The following SLC25A21 variants were observed in gnomAD, a reference collection of about 807,000 sequenced individuals.
SLC25A21 encodes solute carrier family 25 member 21.
Under a neutral mutation model 43.8 loss-of-function variants are expected in SLC25A21, and 47 were observed. The ratio of observed to expected loss-of-function variants is 1.07; its 90% CI spans 0.85 to 1.37. SLC25A21 has a LOEUF of 1.37. Ranked by LOEUF, SLC25A21 falls within the 40% of genes most tolerant of loss-of-function variation. The pLI, the probability that SLC25A21 is intolerant of heterozygous loss-of-function variation, is 0.00. For synonymous variants in SLC25A21, 131 were observed against 121.3 expected (o/e 1.08, Z -0.52); for missense variants, 352 against 350.2 (o/e 1.00, Z -0.04).
chr14:37,124,074 G>T (rs534899861), intron 1 of SLC25A21, among the ~76,000 whole-genome samples: 42 of 150,492 alleles, frequency 2.8e-4, no homozygotes, highest in Non-Finnish European at 4.7e-4. Context: ...GCAGTGGTGC[G>T]ATCTCAGCTC....
At chr14:36,907,093 AG>A (rs1891555875) in intron 1 of SLC25A21, among the ~76,000 whole-genome samples, 1 of 152,220 alleles carries the variant, frequency 6.6e-6, no homozygotes. Context: ...AAAACTGCAA[AG>A]TAATACTTAT....
intron 1 of SLC25A21, chr14:37,097,125 A>G (rs969471915): frequency 5.9e-5 from 9 of 151,400 alleles, no homozygotes; most frequent in African/African-American, 2.2e-4. Context: ...TTCTGAAACA[A>G]GGTCTTACTC....
chr14:37,094,195 C>T (rs1962642385), intron 1 of SLC25A21, among the ~76,000 whole-genome samples: 1 of 152,136 alleles, frequency 6.6e-6, no homozygotes, highest in African/African-American at 2.4e-5. Flanking sequence ...CCATGACAGA[C>T]TTTAATCAGG....
At chr14:36,771,638 A>G (rs892161157) in intron 3 of SLC25A21, among the ~76,000 whole-genome samples, 1 of 152,138 alleles carries the variant, frequency 6.6e-6, no homozygotes, top group Non-Finnish European at 1.5e-5. Context: ...TTGCTAAACC[A>G]TATAGTTTTA....
chr14:36,953,363 A>G (rs1959239036), intron 1 of SLC25A21, among the ~76,000 whole-genome samples: 1 of 152,222 alleles, frequency 6.6e-6, no homozygotes, highest in Non-Finnish European at 1.5e-5. Flanking sequence ...AACAGATGAT[A>G]TTAATAAAAT....
chr14:36,820,468 T>C (rs1330605601), intron 2 of SLC25A21, among the ~76,000 whole-genome samples: 2 of 152,290 alleles, frequency 1.3e-5, no homozygotes, highest in South Asian at 2.1e-4. Context: ...GGCTGTATAA[T>C]AATTCCACCT....
At chr14:36,991,964 T>C (rs1960272850) in intron 1 of SLC25A21, among the ~76,000 whole-genome samples, 1 of 152,216 alleles carries the variant, frequency 6.6e-6, no homozygotes, top group African/African-American at 2.4e-5. Context: ...TTGGGTGACA[T>C]AATCACAGTT....
intron 1 of SLC25A21, among the ~76,000 whole-genome samples, chr14:36,896,151 T>C (rs573301617): frequency 3.2e-4 from 48 of 152,150 alleles, no homozygotes; most frequent in South Asian, 2.3e-3. Context: ...GTTAAAGTCT[T>C]CCATTATTAT....
chr14:36,678,446 G>T lies in SLC25A21; in HGVS notation c.*2212C>A. On this transcript the variant is annotated 3_prime_UTR_variant, in exon 10 of 10. Transcript: ENST00000331299. ...ACTCTCAGGGCCATAGTCTTCCTTTGATCTTGTAAAACTTCCATTGACATC... is the reference window on the plus strand; with the variant it reads ...ACTCTCAGGGCCATAGTCTTCCTTTTATCTTGTAAAACTTCCATTGACATC... The T allele has an allele frequency of 1.3e-6, 2 of 1,486,324 alleles. No individual in the cohort carries two copies. The highest frequency in any genetic ancestry group is 1.8e-6 in the Non-Finnish European group (2 of 1,100,448). The allele number at this position is 1,486,324 out of a possible 1,614,324, so 92.1% of individuals were successfully genotyped here. A position where few individuals can be genotyped will look rare whatever the true frequency, so the allele number is the denominator to read the frequency against.
intron 1 of SLC25A21, among the ~76,000 whole-genome samples, chr14:36,951,015 A>G (rs1386574236): frequency 6.6e-6 from 1 of 152,074 alleles, no homozygotes; most frequent in African/African-American, 2.4e-5. Flanking sequence ...GGCTGCAGGA[A>G]CCACAGTGAG....
At chr14:37,170,575 A>G (rs968118983) in intron 1 of SLC25A21, among the ~76,000 whole-genome samples, 4 of 152,142 alleles carry the variant, frequency 2.6e-5, no homozygotes, top group African/African-American at 9.7e-5. Context: ...AAAATGGTAA[A>G]TAAATTGGTG....
chr14:36,890,824 A>T (rs556932123), intron 1 of SLC25A21, among the ~76,000 whole-genome samples: 1 of 152,200 alleles, frequency 6.6e-6, no homozygotes, highest in Non-Finnish European at 1.5e-5. Flanking sequence ...TGATTTAACA[A>T]CTGTTTAAGT....
At chr14:36,748,252 T>C (rs1300791318) in intron 3 of SLC25A21, among the ~76,000 whole-genome samples, 1 of 152,206 alleles carries the variant, frequency 6.6e-6, no homozygotes, top group East Asian at 1.9e-4. Flanking sequence ...ACTATGCCTC[T>C]AATGTTGGCT....
Position 37,015,255 on chromosome 14 carries a change from T to C in SLC25A21, c.71-140251A>G, listed in dbSNP as rs1340671057. On this transcript the variant is annotated intron_variant, in intron 1 of 9. Coordinates refer to ENST00000331299, the MANE Select transcript of SLC25A21 (RefSeq NM_030631.4). The stretch of plus-strand genomic sequence containing the variant: ...CCCTTCCTGTGTCCATGTGTTCTCA[T>C]TGTTCAATTCCCACCTATGAGTGAG... 2.2e-5 allele frequency among the ~76,000 whole-genome samples: 3 copies of C among 136,902 alleles called. No individual in the cohort carries two copies. The Admixed American group carries it at 2.4e-4, about 11-fold the overall frequency. The allele number at this position is 136,902 out of a possible 152,430, so 89.8% of individuals were successfully genotyped here.
At chr14:37,073,391 T>C (rs1386779114) in intron 1 of SLC25A21, among the ~76,000 whole-genome samples, 3 of 152,318 alleles carry the variant, frequency 2.0e-5, no homozygotes, top group East Asian at 3.9e-4. Context: ...ATATATGCAA[T>C]TTTTTGTAGA....
intron 1 of SLC25A21, among the ~76,000 whole-genome samples, chr14:36,992,426 AAT>A (rs1960284183): frequency 6.9e-6 from 1 of 144,588 alleles, no homozygotes; most frequent in Admixed American, 6.8e-5. Context: ...ATAAATAAAT[AAT>A]AAAAAAATTT....
Position 36,762,424 on chromosome 14 carries a change from G to A in SLC25A21, c.204-27851C>T, listed in dbSNP as rs139398899. On this transcript the variant is annotated intron_variant, in intron 3 of 9. Coordinates refer to ENST00000331299, the MANE Select transcript of SLC25A21 (RefSeq NM_030631.4). Reference sequence around the variant, plus strand: ...CACTGACACTCCTTTCCTGGCCCAGGCCCCTATGGAAACTGGTTCTGGGAA... The same window carrying A: ...CACTGACACTCCTTTCCTGGCCCAGACCCCTATGGAAACTGGTTCTGGGAA... 5.3e-3 allele frequency among the ~76,000 whole-genome samples: 806 copies of A among 152,296 alleles called. 4 individuals are homozygous for A. Among genetic ancestry groups the A allele is most frequent in the African/African-American group, 0.019 (772 of 41,566 alleles).
chr14:36,899,392 C>T (rs895538428), intron 1 of SLC25A21, among the ~76,000 whole-genome samples: 4 of 152,182 alleles, frequency 2.6e-5, no homozygotes, highest in African/African-American at 2.4e-5. Context: ...AATCTGCATA[C>T]AAAATAGGGT....
At position 37,151,759 on chromosome 14, in the gene SLC25A21, T is replaced by C. The variant is rs530978481; in HGVS notation, c.70+20522A>G. 2.6e-5 allele frequency among the ~76,000 whole-genome samples: 4 copies of C among 152,188 alleles called. No individual in the cohort carries two copies. The East Asian group carries it at 7.8e-4, about 30-fold the overall frequency. On this transcript the variant is annotated intron_variant, in intron 1 of 9. Coordinates refer to ENST00000331299, the MANE Select transcript of SLC25A21 (RefSeq NM_030631.4). Reference sequence around the variant, plus strand: ...TTCACTTTCCTCATCTTCAAGAAATTACAAATTGGCTCATGCCTGGAATCC... The same window carrying C: ...TTCACTTTCCTCATCTTCAAGAAATCACAAATTGGCTCATGCCTGGAATCC...
Sources: gnomAD v4.1 joint callset for allele counts (sites outside exome capture counted in the v4.1 genomes callset) on GRCh38, gnomAD v4.1.1 for gene constraint, MANE v1.5 for transcripts, NCBI Gene and HGNC (gene_info 2026-07-23, HGNC 2026-07-21) for gene names.